ZNF260: variants seen among roughly 807,000 people sequenced by gnomAD.
ZNF260 encodes zinc finger protein 260.
ZNF260 carries 21 observed loss-of-function variants against 29.3 expected under a neutral mutation model. The observed-to-expected ratio is 0.72, with a 90% confidence interval of 0.51 to 1.03. The LOEUF is 1.03. Ranked by LOEUF, ZNF260 falls within the 50% of genes least tolerant of loss-of-function variation. ZNF260 has a pLI of 0.00. For missense variants in ZNF260, 465 were observed against 487.8 expected, an observed-to-expected ratio of 0.95 and a Z score of 0.44; for synonymous variants, 156 against 156.8, an observed-to-expected ratio of 0.99 and a Z score of 0.04.
At chr19:36,526,560 A>T (rs1045798092) in intron 1 of ZNF260, among the ~76,000 whole-genome samples, 1 of 152,112 alleles carries the variant, frequency 6.6e-6, no homozygotes, top group Non-Finnish European at 1.5e-5. Flanking sequence ...AAATAAAGTG[A>T]ATGGAAGTAT....
rs146708190 is a variant in ZNF260 at position 36,514,539 on chromosome 19, T to C, written c.700A>G (p.Ser234Gly). ...TGACTTCTCTGGTGTCTAATGAGGC[T>C]TGACTTCTGAATGAAAGCTTTCCCA... ...GCGKAFIQKS[S>G]LIRHQRSHTG... The change falls in exon 3 of 3, where the codon AGC becomes GGC. Residue 234 changes from serine to glycine, a missense_variant. Transcript: ENST00000523638. 7.0e-5 allele frequency: 113 copies of C among 1,613,966 alleles called. No individual in the cohort carries two copies. Among genetic ancestry groups the C allele is most frequent in the African/African-American group, 6.8e-4 (51 of 74,980 alleles).
rs750952880 is a variant in ZNF260, at chr19:36,515,216, A to G, written c.23T>C (p.Leu8Pro). The G allele has an allele frequency of 6.3e-7, 1 of 1,582,672 alleles. No individual in the cohort carries two copies. The highest frequency in any genetic ancestry group is 1.4e-5 in the African/African-American group (1 of 73,906). Residue 8 changes from leucine to proline, a missense_variant, in exon 3 of 3, where the codon CTT (leucine) becomes CCT (proline). Physicochemically the swap from Leu to Pro is moderately conservative, Grantham distance 98 (BLOSUM62 -3). Coordinates refer to ENST00000523638, the MANE Select transcript of ZNF260 (RefSeq NM_001166037.2). ...CTGAAGGAGATCTGATTCATGCTGA[A>G]GACTTTCCAACATGCCTATCATGCA... MIGMLES[L>P]QHESDLLQHD... is the part of the protein sequence containing the mutation.
At position 36,513,829 on chromosome 19, in the gene ZNF260, G is replaced by T; in HGVS notation, c.*171C>A. ...TGTTGTGGGAGTTTTGGGGGTACGG[G>T]TTTTCTTTACACTATAATACTTATT... On this transcript the variant is annotated 3_prime_UTR_variant, in exon 3 of 3. Coordinates refer to ENST00000523638, the MANE Select transcript of ZNF260 (RefSeq NM_001166037.2). 1.4e-6 allele frequency: 1 copy of T among 700,304 alleles called. No individual in the cohort carries two copies. Among genetic ancestry groups the T allele is most frequent in the Non-Finnish European group, 2.3e-6 (1 of 431,944 alleles). The allele number at this position is 700,304 out of a possible 1,614,324, so 43.4% of individuals were successfully genotyped here. A position where few individuals can be genotyped will look rare whatever the true frequency, so the allele number is the denominator to read the frequency against.
rs1445330120 is a variant in ZNF260, at chr19:36,514,609, A to G, written c.630T>C (p.His210=). ...AFSQKENLII[H]QRIHTGEKPY... is the part of the protein sequence containing the mutation. The stretch of plus-strand genomic sequence containing the variant: ...GTTTCTCTCCAGTATGGATTCTCTG[A>G]TGTATAATGAGGTTTTCCTTCTGGC... Residue 210 remains histidine (H), a synonymous_variant, in exon 3 of 3, where the codon CAT becomes CAC. Transcript: ENST00000523638. 12 of 1,614,036 alleles carry G rather than the reference A, an allele frequency of 7.4e-6. No individual in the cohort carries two copies. The highest frequency in any genetic ancestry group is 1.7e-4 in the Middle Eastern group (1 of 6,060).
intron 2 of ZNF260, 58 bp from the exon 3 acceptor site, chr19:36,515,757 G>A (rs926599447): frequency 6.6e-6 from 1 of 152,590 alleles, no homozygotes; most frequent in Non-Finnish European, 1.5e-5. Flanking sequence ...TATAGTGCCT[G>A]GCATGTAATA....
Position 36,514,809 on chromosome 19 carries a change from C to A in ZNF260, c.430G>T (p.Ala144Ser). 1 of 1,613,938 alleles carries A rather than the reference C, an allele frequency of 6.2e-7. No homozygotes were observed. The highest frequency in any genetic ancestry group is 8.5e-7 in the Non-Finnish European group (1 of 1,180,006). ...KPYACKECGK[A>S]FNGKAYLTEH... ...GTGAGATATGCTTTGCCGTTAAAGG[C>A]TTTGCCACATTCCTTACATGCATAG... is the stretch of plus-strand genomic sequence containing the variant. The change falls in exon 3 of 3, where the codon GCC becomes TCC. Residue 144 changes from alanine to serine, a missense_variant. Transcript: ENST00000523638.
chr19:36,526,700 G>GA (rs966154838), intron 1 of ZNF260, among the ~76,000 whole-genome samples: 20 of 151,328 alleles, frequency 1.3e-4, no homozygotes, highest in Admixed American at 6.6e-4. Context: ...ATCATGACAA[G>GA]AAAAAAAAAT....
At chr19:36,516,736 G>A (rs535775809) in intron 2 of ZNF260, among the ~76,000 whole-genome samples, 3 of 152,246 alleles carry the variant, frequency 2.0e-5, no homozygotes, top group Middle Eastern at 3.4e-3. Context: ...CCACCACCAT[G>A]CCCTGCCAAT....
intron 1 of ZNF260, among the ~76,000 whole-genome samples, chr19:36,526,988 A>T (rs890201023): frequency 1.3e-5 from 2 of 152,234 alleles, no homozygotes; most frequent in Non-Finnish European, 2.9e-5. Flanking sequence ...TGAAACAGGT[A>T]CAGAGGGGAA....
intron 2 of ZNF260, chr19:36,517,925 G>T (rs1266078065): frequency 6.5e-6 from 1 of 154,448 alleles, no homozygotes; most frequent in Non-Finnish European, 1.4e-5. Flanking sequence ...CTGCCTCCCG[G>T]GTGAAGGGAT....
intron 2 of ZNF260, among the ~76,000 whole-genome samples, chr19:36,519,824 A>G (rs2034611995): frequency 6.6e-6 from 1 of 152,222 alleles, no homozygotes; most frequent in Non-Finnish European, 1.5e-5. Context: ...TGGAGAATGA[A>G]GTTTTAGCAT....
intron 2 of ZNF260, among the ~76,000 whole-genome samples, chr19:36,516,494 G>A (rs910805072): frequency 6.6e-6 from 1 of 152,124 alleles, no homozygotes; most frequent in African/African-American, 2.4e-5. Flanking sequence ...GGAGATTGAG[G>A]TGGGCAGATT....
rs2034514079 is a variant in ZNF260, at chr19:36,514,651, C to T, written c.588G>A (p.Glu196=). The T allele has an allele frequency of 6.2e-7, 1 of 1,613,786 alleles. No individual in the cohort carries two copies. The highest frequency in any genetic ancestry group is 2.2e-5 in the East Asian group (1 of 44,816). The change falls in exon 3 of 3, where the codon GAG becomes GAA. Residue 196 remains glutamate, a synonymous_variant. Transcript: ENST00000523638. ...CCTTCTGGCTAAAAGCTTTTCCACA[C>T]TCACTACATTTAAAGGGCTTCTTTC... ...HTGKKPFKCS[E]CGKAFSQKEN...
chr19:36,521,511 G>A (rs1272159494), intron 2 of ZNF260, among the ~76,000 whole-genome samples: 3 of 152,302 alleles, frequency 2.0e-5, no homozygotes, highest in African/African-American at 7.2e-5. Context: ...CCAGCACTTG[G>A]GGAGGATGAG....
chr19:36,525,303 C>A lies in ZNF260; in HGVS notation c.-610G>T, dbSNP rs2034716076. The A allele has an allele frequency of 6.6e-6, 1 of 152,226 alleles. No homozygotes were observed. Among genetic ancestry groups the A allele is most frequent in the Middle Eastern group, 3.4e-3 (1 of 296 alleles). The allele number at this position is 152,226 out of a possible 1,614,324, so 9.4% of individuals were successfully genotyped here. A position where few individuals can be genotyped will look rare whatever the true frequency, so the allele number is the denominator to read the frequency against. Reference sequence around the variant, plus strand: ...TATGGTTGGGGAACAAAGCAGCATCCCAAAATTCAGGGAGCGCCCTTAGAA... The same window carrying A: ...TATGGTTGGGGAACAAAGCAGCATCACAAAATTCAGGGAGCGCCCTTAGAA... On this transcript the variant is annotated 5_prime_UTR_variant, in exon 2 of 3. Transcript: ENST00000523638.
At chr19:36,527,895 T>G (rs1343811987) in intron 1 of ZNF260, among the ~76,000 whole-genome samples, 2 of 152,172 alleles carry the variant, frequency 1.3e-5, no homozygotes, top group African/African-American at 4.8e-5. Flanking sequence ...CGCATCTTTA[T>G]TATTTTAGAA....
chr19:36,515,414 T>A lies in ZNF260; in HGVS notation c.-176A>T. 1.7e-6 allele frequency: 1 copy of A among 603,262 alleles called. No individual in the cohort carries two copies. Among genetic ancestry groups the A allele is most frequent in the Non-Finnish European group, 2.8e-6 (1 of 360,182 alleles). The allele number at this position is 603,262 out of a possible 1,614,324, so 37.4% of individuals were successfully genotyped here. A position where few individuals can be genotyped will look rare whatever the true frequency, so the allele number is the denominator to read the frequency against. On this transcript the variant is annotated 5_prime_UTR_variant, in exon 3 of 3. Transcript: ENST00000523638. ...TCACATTGATTACCCTGAGATGAGA[T>A]GATTACAAAAAGGGATAAAATGTAA... is the stretch of plus-strand genomic sequence containing the variant.
chr19:36,516,320 G>C (rs1471445687), intron 2 of ZNF260, among the ~76,000 whole-genome samples: 1 of 152,176 alleles, frequency 6.6e-6, no homozygotes, highest in Non-Finnish European at 1.5e-5. Context: ...ATAAGGCTAG[G>C]TATGGTGGTT....
intron 2 of ZNF260, among the ~76,000 whole-genome samples, chr19:36,520,211 A>AAAAG (rs1369924476): frequency 1.3e-5 from 2 of 150,836 alleles, no homozygotes; most frequent in Admixed American, 6.6e-5. Context: ...AAAAAAAAAA[A>AAAAG]AAAGAAAGAA....
Sources: gnomAD v4.1 joint callset for allele counts (sites outside exome capture counted in the v4.1 genomes callset) on GRCh38, gnomAD v4.1.1 for gene constraint, MANE v1.5 for transcripts, NCBI Gene and HGNC (gene_info 2026-07-23, HGNC 2026-07-21) for gene names.